ASIC4: variants seen among roughly 807,000 people sequenced by gnomAD.
The protein encoded by ASIC4 is acid sensing ion channel subunit family member 4, also known as acid-sensing ion channel 4.
ASIC4 carries 28 observed loss-of-function variants against 53.4 expected under a neutral mutation model. That is an observed-to-expected ratio of 0.52 (90% CI 0.39 to 0.72). The LOEUF (loss-of-function observed/expected upper bound fraction) is 0.72. Among genes scored for constraint, ASIC4 ranks in the 30% least tolerant of loss-of-function variants. The pLI is 0.00. For synonymous variants in ASIC4, 289 were observed against 301.4 expected (o/e 0.96, Z 0.43); for missense variants, 649 against 729.7 (o/e 0.89, Z 1.27).
chr2:219,521,662 T>C (rs1694886543), intron 1 of ASIC4, among the ~76,000 whole-genome samples: 1 of 151,172 alleles, frequency 6.6e-6, no homozygotes, highest in Admixed American at 6.6e-5. Context: ...CCTGAGGTGG[T>C]CCAGGAGAGA....
At chr2:219,530,627 G>A (rs1004728959) in intron 1 of ASIC4, among the ~76,000 whole-genome samples, 4 of 152,238 alleles carry the variant, frequency 2.6e-5, no homozygotes, top group Non-Finnish European at 5.9e-5. Context: ...GAATGTGGCC[G>A]TGTGATGTAG....
chr2:219,537,954 C>T lies in ASIC4; in HGVS notation c.1528C>T (p.Arg510Ter), dbSNP rs753003654. 6.2e-6 allele frequency: 10 copies of T among 1,610,926 alleles called. No homozygotes were observed. The East Asian group carries it at 6.7e-5, about 11-fold the overall frequency. Reference sequence around the variant, plus strand: ...GCAGAGTCCCTGCCCGAGCCGGGGCCGAGTGGAGGGTGGGGGGGTCAGCAG... The same window carrying T: ...GCAGAGTCCCTGCCCGAGCCGGGGCTGAGTGGAGGGTGGGGGGGTCAGCAG... ...KEQSPCPSRG[R>*]VEGGGVSSLL... The change falls in exon 10 of 10, where the codon CGA (arginine) becomes TGA (stop). Residue 510 changes from arginine (R) to a stop codon, truncating the protein, a stop_gained. Coordinates refer to ENST00000358078, the MANE Select transcript of ASIC4 (RefSeq NM_018674.6). LOFTEE classifies it high-confidence loss of function. The surrounding 1 kb of genome is among the most constrained non-coding windows in gnomAD (Gnocchi z 4.9).
intron 1 of ASIC4, among the ~76,000 whole-genome samples, chr2:219,522,312 A>G (rs1195986476): frequency 1.4e-5 from 2 of 147,024 alleles, no homozygotes; most frequent in Non-Finnish European, 3.0e-5. Flanking sequence ...AAGCGTGGAC[A>G]GGATAATAGC....
intron 1 of ASIC4, among the ~76,000 whole-genome samples, chr2:219,526,180 A>T (rs887950655): frequency 3.5e-5 from 5 of 144,228 alleles, no homozygotes; most frequent in Non-Finnish European, 8.0e-5. Flanking sequence ...CTGTGAATAG[A>T]TAGAGTTCCG....
chr2:219,533,082 G>C lies in ASIC4; in HGVS notation c.1075+143G>C, dbSNP rs772446598. 3.2e-6 allele frequency: 3 copies of C among 925,496 alleles called. No homozygotes were observed. In the South Asian group the frequency reaches 4.1e-5, roughly 13 times the overall value. The allele number at this position is 925,496 out of a possible 1,614,324, so 57.3% of individuals were successfully genotyped here. On this transcript the variant is annotated intron_variant, in intron 5 of 9. Coordinates refer to ENST00000358078, the MANE Select transcript of ASIC4 (RefSeq NM_018674.6). Reference sequence around the variant, plus strand: ...GGGTTGAGCCTTAGCCCATACTTCAGTGGGGTTGGGGAGAGGTCTGCGGAC... The same window carrying C: ...GGGTTGAGCCTTAGCCCATACTTCACTGGGGTTGGGGAGAGGTCTGCGGAC...
At chr2:219,535,346 G>GGC (rs772493952) in intron 6 of ASIC4, 22 bp downstream of exon 6, 1 of 1,566,200 alleles carries the variant, frequency 6.4e-7, no homozygotes, top group Non-Finnish European at 8.6e-7. Flanking sequence ...TGTGTGTGGG[G>GGC]GGTGGCTGTG....
intron 1 of ASIC4, among the ~76,000 whole-genome samples, chr2:219,524,375 G>A (rs1441450820): frequency 2.0e-5 from 3 of 152,248 alleles, no homozygotes; most frequent in African/African-American, 7.2e-5. Context: ...GTGGACTCCA[G>A]GGCCAGACTG....
Position 219,514,782 on chromosome 2 carries a change from G to A in ASIC4, c.58G>A (p.Glu20Lys). The change falls in exon 1 of 10, where the codon GAG (glutamate) becomes AAG (lysine). Residue 20 changes from glutamate (E) to lysine (K), a missense_variant. Coordinates refer to ENST00000358078, the MANE Select transcript of ASIC4 (RefSeq NM_018674.6). The part of the protein sequence containing the change: ...KFAEEDAKPK[E>K]KEAGDEQSLL... Reference sequence around the variant, plus strand: ...TGCTGAGGAGGATGCGAAACCCAAGGAGAAGGAGGCAGGGGATGAGCAGAG... The same window carrying A: ...TGCTGAGGAGGATGCGAAACCCAAGAAGAAGGAGGCAGGGGATGAGCAGAG... The A allele has an allele frequency of 1.2e-6, 2 of 1,613,540 alleles. No homozygotes were observed. Among genetic ancestry groups the A allele is most frequent in the Non-Finnish European group, 1.7e-6 (2 of 1,179,992 alleles).
chr2:219,511,374 C>G (rs2125648995), upstream of ASIC4, among the ~76,000 whole-genome samples: 1 of 151,154 alleles, frequency 6.6e-6, no homozygotes, highest in African/African-American at 2.4e-5. The surrounding 1 kb of genome is among the most constrained non-coding windows in gnomAD (Gnocchi z 5.3). Flanking sequence ...CCTGTCTCTC[C>G]CCCCGACTGC....
In ASIC4 at chr2:219,537,509, G is replaced by A. The variant is rs144142578; in HGVS notation, c.1402-123G>A. 4.7e-5 allele frequency: 49 copies of A among 1,036,168 alleles called. No homozygotes were observed. In the East Asian group the frequency reaches 1.2e-3, roughly 26 times the overall value. 64.2% of individuals were successfully genotyped at this position (1,036,168 alleles called of 1,614,324 possible). On this transcript the variant is annotated intron_variant, in intron 8 of 9. Coordinates refer to ENST00000358078, the MANE Select transcript of ASIC4 (RefSeq NM_018674.6). The surrounding 1 kb of genome is among the most constrained non-coding windows in gnomAD (Gnocchi z 4.9). ...AGAAGGGGATGGGTGAGGAGGAGGAGGGTGTCCTACTGGGAGTTTGCTGTG... is the reference window on the plus strand; with the variant it reads ...AGAAGGGGATGGGTGAGGAGGAGGAAGGTGTCCTACTGGGAGTTTGCTGTG...
intron 1 of ASIC4, among the ~76,000 whole-genome samples, chr2:219,526,404 C>T (rs1342880575): frequency 2.6e-5 from 4 of 152,104 alleles, no homozygotes; most frequent in African/African-American, 9.7e-5. Context: ...TGAGACTCGA[C>T]AGCCAGACTA....
chr2:219,534,427 G>T (rs1695094360), intron 5 of ASIC4, among the ~76,000 whole-genome samples: 1 of 152,266 alleles, frequency 6.6e-6, no homozygotes, highest in African/African-American at 2.4e-5. Context: ...GGCTGTCCGA[G>T]AGGGCTGACT....
chr2:219,533,134 G>A (rs1695071792), intron 5 of ASIC4, 195 bp downstream of exon 5: 1 of 637,844 alleles, frequency 1.6e-6, no homozygotes, highest in South Asian at 1.8e-5. Context: ...ACTTGGGTAA[G>A]TGGAGGCAGC....
chr2:219,524,311 C>T (rs1407034781), intron 1 of ASIC4, among the ~76,000 whole-genome samples: 1 of 152,222 alleles, frequency 6.6e-6, no homozygotes, highest in Admixed American at 6.5e-5. Flanking sequence ...AGTTCTTGAG[C>T]GCCTACTATT....
At chr2:219,527,864 G>A (rs539953290) in intron 1 of ASIC4, among the ~76,000 whole-genome samples, 2 of 152,328 alleles carry the variant, frequency 1.3e-5, no homozygotes, top group East Asian at 1.9e-4. Context: ...TGCAAATCTC[G>A]CTGGGCTCTG....
intron 5 of ASIC4, 102 bp from the exon 6 acceptor site, chr2:219,535,069 G>A (rs1695105644): frequency 4.0e-6 from 6 of 1,486,486 alleles, no homozygotes; most frequent in Non-Finnish European, 5.4e-6. Flanking sequence ...CAGTGTGGGT[G>A]TGCCTGCCTC....
chr2:219,519,472 C>T (rs563710001), intron 1 of ASIC4, among the ~76,000 whole-genome samples: 48 of 152,316 alleles, frequency 3.2e-4, no homozygotes, highest in Middle Eastern at 3.4e-3. Context: ...CTAGCATTTC[C>T]ATTCTATCCA....
chr2:219,508,908 G>T, the ASIC4 span, among the ~76,000 whole-genome samples: 3 of 137,926 alleles, frequency 2.2e-5, no homozygotes, highest in South Asian at 5.4e-4. Context: ...CAGCGAGGGG[G>T]AGCAAGCTGG....
At position 219,515,360 on chromosome 2, in the gene ASIC4, G is replaced by A. The variant is rs535896739; in HGVS notation, c.582+54G>A. The A allele has an allele frequency of 3.2e-6, 5 of 1,563,224 alleles. No homozygotes were observed. In the Admixed American group the frequency reaches 6.9e-5, roughly 22 times the overall value. On this transcript the variant is annotated intron_variant, in intron 1 of 9. Transcript: ENST00000358078. ...CTTGGATGGCCGGAGGCTGGGGAGTGGGGAGGAGTGGTGGCAGTGGTGTAC... is the reference window on the plus strand; with the variant it reads ...CTTGGATGGCCGGAGGCTGGGGAGTAGGGAGGAGTGGTGGCAGTGGTGTAC...
Sources: allele counts gnomAD v4.1 joint callset (sites outside exome capture counted in the v4.1 genomes callset), GRCh38; gene constraint gnomAD v4.1.1; non-coding constraint Gnocchi (gnomAD v3.1); transcripts MANE v1.5; gene names NCBI Gene and HGNC (gene_info 2026-07-23, HGNC 2026-07-21).